NAV1: variants seen among roughly 807,000 people sequenced by gnomAD.
NAV1 encodes pore membrane and/or filament interacting like protein 3.
Under a neutral mutation model 175.2 loss-of-function variants are expected in NAV1, and 18 were observed. That is an observed-to-expected ratio of 0.10 (90% CI 0.07 to 0.15). The LOEUF is 0.15. Among genes scored for constraint, NAV1 ranks in the 10% least tolerant of loss-of-function variants. The pLI is 1.00. For missense variants in NAV1, 1,731 were observed against 2,436.6 expected (o/e 0.71, Z 6.10); for synonymous variants, 897 against 978.7 (o/e 0.92, Z 1.56).
intron 2 of NAV1, among the ~76,000 whole-genome samples, chr1:201,630,982 A>G (rs759891060): frequency 2.0e-5 from 3 of 152,196 alleles, no homozygotes; most frequent in Non-Finnish European, 4.4e-5. Flanking sequence ...GCAGACTAGC[A>G]TTAGGAATCC....
rs756350867 is a variant in NAV1 at position 201,810,195 on chromosome 1, A to G, written c.4561+90A>G. 26 of 1,501,840 alleles carry G rather than the reference A, an allele frequency of 1.7e-5. No individual in the cohort carries two copies. The highest frequency in any genetic ancestry group is 2.4e-5 in the Non-Finnish European group (26 of 1,100,332). The allele number at this position is 1,501,840 out of a possible 1,614,324, so 93.0% of individuals were successfully genotyped here. A position where few individuals can be genotyped will look rare whatever the true frequency, so the allele number is the denominator to read the frequency against. On this transcript the variant is annotated intron_variant, in intron 23 of 29. Transcript: ENST00000367296. This position sits in a 1 kb window ranked among gnomAD's most constrained non-coding sequence, Gnocchi z 6.0. ...TCCATCATGCATTCATTCACCAAGA[A>G]CTCACTGAGAAGGTATAATATGAAG...
At chr1:201,619,127 C>A (rs1393098795), upstream of NAV1, among the ~76,000 whole-genome samples, 1 of 152,184 alleles carries the variant, frequency 6.6e-6, no homozygotes, top group Non-Finnish European at 1.5e-5. Flanking sequence ...TTGTGACCTA[C>A]CATGGGAATG....
chr1:201,781,529 A>G (rs2102708757), intron 5 of NAV1, among the ~76,000 whole-genome samples: 2 of 152,332 alleles, frequency 1.3e-5, no homozygotes. Context: ...AAAGAGATTA[A>G]GTGGCTGGGC....
chr1:201,552,617 A>G (rs1439533913), intron 1 of NAV1, among the ~76,000 whole-genome samples: 2 of 152,174 alleles, frequency 1.3e-5, no homozygotes, highest in Non-Finnish European at 2.9e-5. Flanking sequence ...TACTCAGGCC[A>G]GGGAATTGTG....
chr1:201,679,933 A>G (rs986593088), intron 1 of NAV1, among the ~76,000 whole-genome samples: 4 of 152,242 alleles, frequency 2.6e-5, no homozygotes, highest in Admixed American at 2.6e-4. Context: ...ATTGATTTAT[A>G]TCACAATGTA....
chr1:201,548,028 G>A (rs757203568), intron 1 of NAV1, among the ~76,000 whole-genome samples: 17 of 152,132 alleles, frequency 1.1e-4, no homozygotes, highest in Non-Finnish European at 2.1e-4. Context: ...TCCTGACCTT[G>A]TGATCTACCC....
chr1:201,739,557 T>C lies in NAV1; in HGVS notation c.1226+20802T>C, dbSNP rs118146226. ...CACCCGTGCCCCAGAGAGAAGTGGC[T>C]CGCTGCTCACACCCCCTCCTGCCAG... On this transcript the variant is annotated intron_variant, in intron 3 of 29. Coordinates refer to ENST00000367296, the Ensembl canonical transcript of NAV1. The C allele has an allele frequency of 1.5e-3, 235 of 156,910 alleles. 8 individuals carry two copies. In the East Asian group the frequency reaches 0.042, roughly 28 times the overall value. The allele number at this position is 156,910 out of a possible 1,614,324, so 9.7% of individuals were successfully genotyped here. A position where few individuals can be genotyped will look rare whatever the true frequency, so the allele number is the denominator to read the frequency against.
At chr1:201,815,360 A>AGC (rs1678963631) in intron 28 of NAV1, among the ~76,000 whole-genome samples, 1 of 152,196 alleles carries the variant, frequency 6.6e-6, no homozygotes, top group East Asian at 1.9e-4. Context: ...TAGGCAACAT[A>AGC]GCGAGACCTT....
At chr1:201,748,874 G>A (rs908787082) in intron 3 of NAV1, among the ~76,000 whole-genome samples, 7 of 152,104 alleles carry the variant, frequency 4.6e-5, no homozygotes, top group Admixed American at 2.0e-4. Context: ...CTGGCCCAGC[G>A]TGGTGGTTCA....
At chr1:201,552,717 G>A (rs561695218) in intron 1 of NAV1, among the ~76,000 whole-genome samples, 4 of 152,226 alleles carry the variant, frequency 2.6e-5, no homozygotes, top group South Asian at 2.1e-4. Flanking sequence ...CCCGTGGCTC[G>A]CTGCACCCCC....
chr1:201,643,553 A>T (rs1297925116), upstream of NAV1, among the ~76,000 whole-genome samples: 1 of 151,886 alleles, frequency 6.6e-6, no homozygotes, highest in Non-Finnish European at 1.5e-5. Context: ...CTGGAATTAC[A>T]GACATGTGCC....
Position 201,694,954 on chromosome 1 carries a change from T to G in NAV1, c.758-17863T>G, listed in dbSNP as rs999115065. On this transcript the variant is annotated intron_variant, in intron 1 of 29. Coordinates refer to ENST00000367296, the Ensembl canonical transcript of NAV1. The surrounding 1 kb of genome is among the most constrained non-coding windows in gnomAD (Gnocchi z 4.2). ...AAAGAAGCTGGCACACAGTAGGCAT[T>G]TGCCTCCTTGCTTCCAAATGTAGAG... Among the ~76,000 whole-genome samples the G allele has an allele frequency of 1.3e-5, 2 of 152,226 alleles. No homozygotes were observed. Among genetic ancestry groups the G allele is most frequent in the African/African-American group, 4.8e-5 (2 of 41,472 alleles).
At chr1:201,762,949 C>G (rs184867936) in intron 3 of NAV1, among the ~76,000 whole-genome samples, 1 of 151,988 alleles carries the variant, frequency 6.6e-6, no homozygotes, top group African/African-American at 2.4e-5. Flanking sequence ...TTCCAAAAAT[C>G]CTTAAAATGG....
chr1:201,625,446 C>G (rs1484057652), intron 1 of NAV1, among the ~76,000 whole-genome samples: 2 of 152,222 alleles, frequency 1.3e-5, no homozygotes, highest in African/African-American at 4.8e-5. Context: ...TGCAAGAATT[C>G]TGACTTCACA....
intron 1 of NAV1, among the ~76,000 whole-genome samples, chr1:201,672,592 G>A (rs1670084552): frequency 6.6e-6 from 1 of 152,196 alleles, no homozygotes; most frequent in African/African-American, 2.4e-5. Context: ...CCAGGAACCT[G>A]AGGCAAAGAA....
intron 2 of NAV1, among the ~76,000 whole-genome samples, chr1:201,600,098 C>T (rs1447030570): frequency 6.6e-6 from 1 of 152,176 alleles, no homozygotes; most frequent in African/African-American, 2.4e-5. Flanking sequence ...TCTTCCAACT[C>T]CTGGGACGTA....
chr1:201,734,530 A>AGAAGAAGAAGAAGAAGAAGAT (rs1673027619), intron 3 of NAV1, among the ~76,000 whole-genome samples: 1 of 149,646 alleles, frequency 6.7e-6, no homozygotes, highest in Non-Finnish European at 1.5e-5. Context: ...AAGAAGAAGA[A>AGAAGAAGAAGAAGAAGAAGAT]GATCATTTAC....
At chr1:201,811,746 G>T in exon 25 of NAV1, 1 of 1,606,108 alleles carries the variant, frequency 6.2e-7, no homozygotes, top group African/African-American at 1.3e-5. Flanking sequence ...TCACCTGCAA[G>T]TATCATAAAT....
At chr1:201,791,025 C>A in intron 13 of NAV1, 1 of 430,430 alleles carries the variant, frequency 2.3e-6, no homozygotes, top group Non-Finnish European at 4.2e-6. Context: ...GGCTGAGCTC[C>A]CTAGAGAAAG....
Sources: gnomAD v4.1 joint callset for allele counts (sites outside exome capture counted in the v4.1 genomes callset) on GRCh38, gnomAD v4.1.1 for gene constraint, Gnocchi (gnomAD v3.1) non-coding constraint, MANE v1.5 for transcripts, NCBI Gene and HGNC (gene_info 2026-07-23, HGNC 2026-07-21) for gene names.